The following CELF5 variants were observed in gnomAD, a reference collection of about 807,000 sequenced individuals.
CELF5 encodes CUG-BP and ETR-3 like factor 5.
A neutral mutation model predicts 54.9 loss-of-function variants in CELF5; 6 were observed. The observed-to-expected ratio is 0.11, with a 90% CI of 0.06 to 0.22. The LOEUF is 0.22. Ranked by LOEUF, CELF5 falls within the 10% of genes least tolerant of loss-of-function variation. CELF5 has a pLI of 1.00. For missense variants in CELF5, 401 were observed against 678.6 expected (o/e 0.59, Z 4.54); for synonymous variants, 271 against 290.9 (o/e 0.93, Z 0.70).
chr19:3,290,730 ATTT>A (rs34944640), intron 11 of CELF5, among the ~76,000 whole-genome samples: 1 of 140,458 alleles, frequency 7.1e-6, no homozygotes. Context: ...CACCCAGCTA[ATTT>A]TTTTTTTTTT....
At chr19:3,245,445 C>T (rs1248917008) in intron 1 of CELF5, among the ~76,000 whole-genome samples, 2 of 151,102 alleles carry the variant, frequency 1.3e-5, no homozygotes, top group Non-Finnish European at 2.9e-5. Flanking sequence ...GTGTTTCTTT[C>T]CCTTTCACTG....
intron 9 of CELF5, among the ~76,000 whole-genome samples, chr19:3,285,498 C>T (rs1449775391): frequency 6.7e-6 from 1 of 149,314 alleles, no homozygotes; most frequent in African/African-American, 2.5e-5. Flanking sequence ...CATCAAGTCA[C>T]GGCCCCGCCC....
intron 9 of CELF5, 80 bp from the exon 10 acceptor site, chr19:3,285,862 C>T: frequency 1.0e-6 from 1 of 961,560 alleles, no homozygotes; most frequent in Non-Finnish European, 1.5e-6. Flanking sequence ...ATGGCCCCGC[C>T]CCCTCCCCGC....
intron 12 of CELF5, chr19:3,295,141 C>A: frequency 6.6e-6 from 1 of 152,620 alleles, no homozygotes; most frequent in Non-Finnish European, 1.5e-5. Context: ...GCCCTTTCCT[C>A]CCCTCTTCTC....
intron 10 of CELF5, among the ~76,000 whole-genome samples, chr19:3,287,100 A>G: frequency 6.6e-6 from 1 of 151,952 alleles, no homozygotes; most frequent in Non-Finnish European, 1.5e-5. Flanking sequence ...CCAAGTGTTC[A>G]TCAGCAGGTA....
At chr19:3,263,250 A>G (rs2079831572) in intron 2 of CELF5, among the ~76,000 whole-genome samples, 1 of 149,060 alleles carries the variant, frequency 6.7e-6, no homozygotes. Flanking sequence ...CTGTCTCAAA[A>G]AAAAAAAAAA....
At chr19:3,235,756 G>A (rs1917562686) in intron 1 of CELF5, among the ~76,000 whole-genome samples, 1 of 109,510 alleles carries the variant, frequency 9.1e-6, no homozygotes, top group African/African-American at 3.5e-5. Flanking sequence ...ATGGATGGAT[G>A]TGTGGATGGG....
chr19:3,291,521 G>A (rs550981463), intron 11 of CELF5, among the ~76,000 whole-genome samples: 310 of 146,050 alleles, frequency 2.1e-3, no homozygotes, highest in Middle Eastern at 3.8e-3. Context: ...GCAGTGAGCC[G>A]AGATCGTGCC....
intron 4 of CELF5, among the ~76,000 whole-genome samples, chr19:3,276,204 G>T (rs1230101655): frequency 8.2e-6 from 1 of 122,184 alleles, no homozygotes; most frequent in Non-Finnish European, 1.8e-5. Flanking sequence ...CTGGGGAGGG[G>T]ATGGGGCTGC....
At chr19:3,236,458 A>T (rs889011432) in intron 1 of CELF5, among the ~76,000 whole-genome samples, 5 of 152,084 alleles carry the variant, frequency 3.3e-5, no homozygotes, top group Admixed American at 3.3e-4. Context: ...CCTTATCTCC[A>T]ATCACTAGAT....
At chr19:3,288,958 A>C (rs978695698) in intron 10 of CELF5, among the ~76,000 whole-genome samples, 1 of 152,208 alleles carries the variant, frequency 6.6e-6, no homozygotes, top group Non-Finnish European at 1.5e-5. Flanking sequence ...GGGACTGTTT[A>C]AGGCTTCAGA....
chr19:3,264,157 C>T (rs1270925720), intron 2 of CELF5, among the ~76,000 whole-genome samples: 1 of 151,982 alleles, frequency 6.6e-6, no homozygotes, highest in Admixed American at 6.6e-5. Flanking sequence ...CCTTGGAATT[C>T]CAGCTACTCA....
rs1163835252 is a variant in CELF5 at position 3,296,808 on chromosome 19, G to C, written c.*91G>C. The C allele has an allele frequency of 1.3e-5, 2 of 152,180 alleles. No homozygotes were observed. The highest frequency in any genetic ancestry group is 2.1e-4 in the South Asian group (1 of 4,836). 9.4% of individuals were successfully genotyped at this position (152,180 alleles called of 1,614,324 possible). A position where few individuals can be genotyped will look rare whatever the true frequency, so the allele number is the denominator to read the frequency against. On this transcript the variant is annotated 3_prime_UTR_variant, in exon 13 of 13. Coordinates refer to ENST00000292672, the MANE Select transcript of CELF5 (RefSeq NM_021938.4). ...TTATTTCTGCTACGAGTAATTTCAT[G>C]AAGTTTCAACTTGCAAACTGACTTT...
rs1491140762 is a variant in CELF5 at position 3,248,905 on chromosome 19, C to CCTTCCTTCCTTCCTTT, written c.260-2077_260-2076insCCTTCCTTCCTTTCTT. On this transcript the variant is annotated intron_variant, in intron 1 of 12. Coordinates refer to ENST00000292672, the MANE Select transcript of CELF5 (RefSeq NM_021938.4). ...TCCTTCCTTCCTTCCTTCCTTCCTT[C>CCTTCCTTCCTTCCTTT]CTTTCTTTCTTTCTTTCTTTCTTTT... 7.1e-4 allele frequency among the ~76,000 whole-genome samples: 67 copies of CCTTCCTTCCTTCCTTT among 94,210 alleles called. No individual in the cohort carries two copies. The East Asian group carries it at 9.2e-3, about 13-fold the overall frequency. 61.8% of individuals were successfully genotyped at this position (94,210 alleles called of 152,430 possible). A position where few individuals can be genotyped will look rare whatever the true frequency, so the allele number is the denominator to read the frequency against.
chr19:3,229,436 C>T (rs888038622), intron 1 of CELF5, among the ~76,000 whole-genome samples: 5 of 152,220 alleles, frequency 3.3e-5, no homozygotes, highest in Non-Finnish European at 5.9e-5. Context: ...GATGGCAAAA[C>T]ACACACCAGC....
rs112499585 is a variant in CELF5, at chr19:3,226,267, T to TTGAATGAA, written c.259+1298_259+1305dup. 1.6e-3 allele frequency among the ~76,000 whole-genome samples: 241 copies of TTGAATGAA among 150,400 alleles called. 1 individual carries two copies. Among genetic ancestry groups the TTGAATGAA allele is most frequent in the Middle Eastern group, 3.4e-3 (1 of 294 alleles). ...AATGCATGTTTATTGAATGAATGAA[T>TTGAATGAA]TGAATGAATGAATGAATGAATGAAT... On this transcript the variant is annotated intron_variant, in intron 1 of 12. Coordinates refer to ENST00000292672, the MANE Select transcript of CELF5 (RefSeq NM_021938.4).
Position 3,281,179 on chromosome 19 carries a change from G to A in CELF5, c.604-20G>A, listed in dbSNP as rs754857257. 3.1e-6 allele frequency: 5 copies of A among 1,597,164 alleles called. No individual in the cohort carries two copies. The Admixed American group carries it at 8.4e-5, about 27-fold the overall frequency. ...TACCTCCCAGCCCGTTTCCCTCCCTGCTCGCCGCTGCCCCTGCAGGGAGCC... is the reference window on the plus strand; with the variant it reads ...TACCTCCCAGCCCGTTTCCCTCCCTACTCGCCGCTGCCCCTGCAGGGAGCC... On this transcript the variant is annotated intron_variant, in intron 5 of 12. Coordinates refer to ENST00000292672, the MANE Select transcript of CELF5 (RefSeq NM_021938.4). This position sits in a 1 kb window ranked among gnomAD's most constrained non-coding sequence, Gnocchi z 6.5.
At position 3,237,941 on chromosome 19, in the gene CELF5, C is replaced by G. The variant is rs536689337; in HGVS notation, c.259+12943C>G. On this transcript the variant is annotated intron_variant, in intron 1 of 12. Transcript: ENST00000292672. ...GCGGGCGCCTATAGTCCCAGCTACT[C>G]GGGAGGCTGAGGCAGGAGAATGGCG... Among the ~76,000 whole-genome samples, 132 of 152,096 alleles carry G rather than the reference C, an allele frequency of 8.7e-4. 2 individuals carry two copies. The South Asian group carries it at 0.019, about 22-fold the overall frequency.
intron 1 of CELF5, among the ~76,000 whole-genome samples, chr19:3,235,926 T>C (rs984848345): frequency 5.3e-5 from 8 of 151,850 alleles, no homozygotes; most frequent in South Asian, 4.1e-4. Context: ...GGTGGGTGTA[T>C]GGATGGGGAA....
Sources: gnomAD v4.1 joint callset for allele counts (sites outside exome capture counted in the v4.1 genomes callset) on GRCh38, gnomAD v4.1.1 for gene constraint, Gnocchi (gnomAD v3.1) non-coding constraint, MANE v1.5 for transcripts, NCBI Gene and HGNC (gene_info 2026-07-23, HGNC 2026-07-21) for gene names.